CXCL12: variants seen among roughly 807,000 people sequenced by gnomAD.
The protein encoded by CXCL12 is C-X-C motif chemokine ligand 12.
A neutral mutation model predicts 10.7 loss-of-function variants in CXCL12; 4 were observed. The ratio of observed to expected loss-of-function variants is 0.37; its 90% CI spans 0.18 to 0.86. The LOEUF (loss-of-function observed/expected upper bound fraction) is 0.86, where lower values mean the gene tolerates loss of function less well. CXCL12 is among the 40% of genes least tolerant of loss of function. The pLI, the probability that CXCL12 is intolerant of heterozygous loss-of-function variation, is 0.43. For synonymous variants in CXCL12, 54 were observed against 45.4 expected (o/e 1.19, Z -0.77); for missense variants, 122 against 110.4 (o/e 1.10, Z -0.47).
chr10:44,372,871 A>C (rs1331334637), downstream of CXCL12: 3 of 1,532,730 alleles, frequency 2.0e-6, no homozygotes, highest in Non-Finnish European at 1.7e-6. Flanking sequence ...ATCCCATCCC[A>C]CAGAGAGAAG....
At chr10:44,383,507 C>T (rs1405953859) in intron 1 of CXCL12, among the ~76,000 whole-genome samples, 3 of 151,754 alleles carry the variant, frequency 2.0e-5, no homozygotes, top group Non-Finnish European at 4.4e-5. Context: ...GTGACACCTC[C>T]GCGCTCATCC....
At chr10:44,379,968 G>A (rs565699736) in intron 2 of CXCL12, among the ~76,000 whole-genome samples, 1 of 152,304 alleles carries the variant, frequency 6.6e-6, no homozygotes, top group African/African-American at 2.4e-5. Flanking sequence ...AAAGTCTTGG[G>A]AAAGTTGTAG....
At chr10:44,380,719 G>T in intron 2 of CXCL12, 44 bp downstream of exon 2, 1 of 1,497,338 alleles carries the variant, frequency 6.7e-7, no homozygotes, top group Non-Finnish European at 9.3e-7. Flanking sequence ...ATGTTCGTTA[G>T]ATGCAACTAT....
At chr10:44,375,980 G>A (rs773931215), downstream of CXCL12, 104 of 1,613,544 alleles carry the variant, frequency 6.4e-5, no homozygotes, top group Admixed American at 1.5e-4. Context: ...TTCTTCTGTC[G>A]CTTCTTTTTT....
chr10:44,372,996 A>C, downstream of CXCL12: 1 of 1,535,898 alleles, frequency 6.5e-7, no homozygotes, highest in Non-Finnish European at 8.7e-7. Context: ...CAGTCTCCCC[A>C]CCTGCACAGC....
At chr10:44,384,787 G>A (rs1470738542) in intron 1 of CXCL12, among the ~76,000 whole-genome samples, 158 bp downstream of exon 1, 1 of 152,218 alleles carries the variant, frequency 6.6e-6, no homozygotes, top group East Asian at 1.9e-4. Flanking sequence ...GGCTTTGAAC[G>A]CGACACCGCA....
downstream of CXCL12, chr10:44,373,109 G>A (rs927094590): frequency 1.5e-5 from 23 of 1,535,060 alleles, no homozygotes; most frequent in Admixed American, 4.0e-5. Flanking sequence ...AAGCTGCTAC[G>A]TGTCGCCAGT....
chr10:44,370,598 G>A (rs558103140), exon 4 of CXCL12: 1 of 152,292 alleles, frequency 6.6e-6, no homozygotes, highest in East Asian at 1.9e-4. Flanking sequence ...TGTAGCACCT[G>A]GGAAAGGCGA....
chr10:44,381,027 A>G, intron 1 of CXCL12, 147 bp from the exon 2 acceptor site: 1 of 739,464 alleles, frequency 1.4e-6, no homozygotes, highest in Non-Finnish European at 2.4e-6. Context: ...ATGTTGGGAA[A>G]GGCCATCTCC....
Position 44,377,700 on chromosome 10 carries a change from G to C in CXCL12, c.*933C>G, listed in dbSNP as rs745473980. ...AAAGCGAGCTCTCAGATTTAAAATT[G>C]CATTTGATTCTGTAAAGACTTGTCT... On this transcript the variant is annotated 3_prime_UTR_variant, in exon 3 of 3. Transcript: ENST00000343575. 1 of 1,596,242 alleles carries C rather than the reference G, an allele frequency of 6.3e-7. No homozygotes were observed. Among genetic ancestry groups the C allele is most frequent in the South Asian group, 1.1e-5 (1 of 90,358 alleles).
At chr10:44,379,099 GGAC>G (rs1259770339) in intron 2 of CXCL12, among the ~76,000 whole-genome samples, 1 of 152,152 alleles carries the variant, frequency 6.6e-6, no homozygotes, top group East Asian at 1.9e-4. Context: ...CTGAGGAAGG[GGAC>G]GACAGGATGC....
At position 44,378,166 on chromosome 10, in the gene CXCL12, CT is replaced by C; in HGVS notation, c.*466del. ...AGCCTCAGTGTCTGAAGAAAGGACA[CT>C]TTTTCCAGCTCCCTGTTAAGCCACC... On this transcript the variant is annotated 3_prime_UTR_variant, in exon 3 of 3. Transcript: ENST00000343575. 6 of 1,418,168 alleles carry C rather than the reference CT, an allele frequency of 4.2e-6. No homozygotes were observed. The highest frequency in any genetic ancestry group is 5.5e-6 in the Non-Finnish European group (6 of 1,084,890). 87.8% of individuals were successfully genotyped at this position (1,418,168 alleles called of 1,614,324 possible).
At chr10:44,384,799 C>T in intron 1 of CXCL12, 146 bp downstream of exon 1, 1 of 749,424 alleles carries the variant, frequency 1.3e-6, no homozygotes, top group Non-Finnish European at 2.0e-6. Context: ...GACACCGCAC[C>T]AGAGCGCCCA....
exon 4 of CXCL12, chr10:44,370,421 C>T (rs936460021): frequency 6.6e-6 from 1 of 152,522 alleles, no homozygotes; most frequent in African/African-American, 2.4e-5. Flanking sequence ...GAGAGTCCAG[C>T]GAGGTTGCAA....
chr10:44,374,163 C>T, downstream of CXCL12: 1 of 336,304 alleles, frequency 3.0e-6, no homozygotes, highest in Non-Finnish European at 5.9e-6. Context: ...AGACCCTGCT[C>T]CCCAGGAGTG....
chr10:44,380,614 GA>G, intron 2 of CXCL12, 148 bp downstream of exon 2: 1 of 730,078 alleles, frequency 1.4e-6, no homozygotes, highest in Non-Finnish European at 2.4e-6. Flanking sequence ...AGGTCCTCAT[GA>G]TAAGAATAGC....
intron 1 of CXCL12, 103 bp from the exon 2 acceptor site, chr10:44,380,983 G>A (rs566977764): frequency 5.1e-5 from 46 of 907,650 alleles, no homozygotes; most frequent in Non-Finnish European, 7.8e-5. Context: ...ATCAAGAGAC[G>A]GCATCACTGG....
downstream of CXCL12, among the ~76,000 whole-genome samples, chr10:44,375,167 G>T (rs563568267): frequency 6.6e-6 from 1 of 152,180 alleles, no homozygotes. Context: ...TGGGGGACCC[G>T]TTTAAAGACT....
chr10:44,383,635 GAC>G (rs1363652648), intron 1 of CXCL12, among the ~76,000 whole-genome samples: 3 of 126,118 alleles, frequency 2.4e-5, no homozygotes, highest in Non-Finnish European at 4.8e-5. Flanking sequence ...TCAGTGTGCA[GAC>G]ACAGCCTCAG....
Sources: gnomAD v4.1 joint callset for allele counts (sites outside exome capture counted in the v4.1 genomes callset) on GRCh38, gnomAD v4.1.1 for gene constraint, MANE v1.5 for transcripts, NCBI Gene and HGNC (gene_info 2026-07-23, HGNC 2026-07-21) for gene names.